The following TENM3 variants were observed in gnomAD, a reference collection of about 807,000 sequenced individuals.
TENM3 encodes the protein teneurin-3.
In TENM3, 63 loss-of-function variants were observed where a neutral mutation model predicts 255.1. That is an observed-to-expected ratio of 0.25 (90% CI 0.20 to 0.30). TENM3 has a LOEUF of 0.30. Ranked by LOEUF, TENM3 falls within the 10% of genes least tolerant of loss-of-function variation. The probability of loss-of-function intolerance (pLI) is 1.00; values close to 1 mark genes in which losing one functional copy is unlikely to be tolerated. For missense variants in TENM3, 2,929 were observed against 3,461.1 expected, an observed-to-expected ratio of 0.85 and a Z score of 3.86; for synonymous variants, 1,306 against 1,322.3, an observed-to-expected ratio of 0.99 and a Z score of 0.27.
intron 6 of TENM3, among the ~76,000 whole-genome samples, chr4:182,655,171 A>T (rs1753650939): frequency 6.6e-6 from 1 of 152,216 alleles, no homozygotes; most frequent in South Asian, 2.1e-4. Context: ...GAGTAACTAT[A>T]CAGAAATTAA....
intron 22 of TENM3, among the ~76,000 whole-genome samples, chr4:182,765,827 T>C (rs1283551743): frequency 6.6e-6 from 1 of 152,170 alleles, no homozygotes; most frequent in Non-Finnish European, 1.5e-5. Flanking sequence ...AAATATGTGA[T>C]TTTTACCATT....
chr4:182,468,465 C>T (rs55662785), intron 3 of TENM3, among the ~76,000 whole-genome samples: 5,981 of 152,134 alleles, frequency 0.039, 163 homozygotes, highest in Non-Finnish European at 0.058. Flanking sequence ...CCCTAACAGA[C>T]GCCTCAAAGA....
At chr4:182,773,183 GA>G (rs1764402484) in intron 22 of TENM3, among the ~76,000 whole-genome samples, 1 of 152,180 alleles carries the variant, frequency 6.6e-6, no homozygotes, top group African/African-American at 2.4e-5. Context: ...TGTTCCCTTT[GA>G]AACAGCAAAT....
At chr4:182,101,616 G>T in the TENM3 span, among the ~76,000 whole-genome samples, 1 of 152,146 alleles carries the variant, frequency 6.6e-6, no homozygotes, top group African/African-American at 2.4e-5. Flanking sequence ...AGGCAGGGGG[G>T]ATGATGGGCA....
At chr4:182,160,063 T>TTG (rs1561149983) in intron 1 of TENM3, among the ~76,000 whole-genome samples, 1 of 147,314 alleles carries the variant, frequency 6.8e-6, no homozygotes, top group Non-Finnish European at 1.5e-5. Flanking sequence ...AGTGCAGCGG[T>TTG]GCGATCTCGG....
chr4:182,097,499 G>C, the TENM3 span, among the ~76,000 whole-genome samples: 2 of 152,118 alleles, frequency 1.3e-5, no homozygotes, highest in South Asian at 4.1e-4. Flanking sequence ...TTCATATATA[G>C]GTCCCTATGC....
intron 3 of TENM3, among the ~76,000 whole-genome samples, chr4:182,579,701 ACTT>A (rs1295801847): frequency 8.3e-6 from 1 of 120,264 alleles, no homozygotes; most frequent in South Asian, 2.6e-4. Flanking sequence ...AAATTTGAAA[ACTT>A]CTCTTTTTTT....
chr4:182,297,475 G>A (rs148728340), intron 1 of TENM3, among the ~76,000 whole-genome samples: 114 of 152,262 alleles, frequency 7.5e-4, no homozygotes, highest in Admixed American at 2.4e-3. Flanking sequence ...CTCAATACAG[G>A]ATGAAAATAG....
At chr4:182,377,811 G>A (rs905367602) in intron 3 of TENM3, among the ~76,000 whole-genome samples, 13 of 152,156 alleles carry the variant, frequency 8.5e-5, no homozygotes, top group Non-Finnish European at 2.9e-5. Context: ...ATGCTAGCAC[G>A]TTATCCTAGA....
At chr4:181,846,725 T>A in the TENM3 span, among the ~76,000 whole-genome samples, 5 of 152,280 alleles carry the variant, frequency 3.3e-5, no homozygotes, top group Admixed American at 2.0e-4. Context: ...GACCACTGTG[T>A]GTTAGACTAT....
intron 3 of TENM3, among the ~76,000 whole-genome samples, chr4:182,385,269 T>TC (rs994387775): frequency 6.9e-6 from 1 of 145,936 alleles, no homozygotes; most frequent in African/African-American, 2.6e-5. Context: ...CGTCTTTTTT[T>TC]TTTTTTTTTT....
At chr4:182,085,855 A>G in the TENM3 span, among the ~76,000 whole-genome samples, 52,111 of 152,070 alleles carry the variant, frequency 0.34, 9,184 homozygotes, top group Non-Finnish European at 0.39. Context: ...AGTATTAAAA[A>G]CCATTTCTCT....
intron 12 of TENM3, among the ~76,000 whole-genome samples, chr4:182,701,330 C>T (rs1294683542): frequency 6.9e-6 from 1 of 145,838 alleles, no homozygotes; most frequent in East Asian, 2.0e-4. Flanking sequence ...AAGCAATTCT[C>T]CTGCCTCAGC....
At chr4:182,533,028 T>C (rs1739928836) in intron 3 of TENM3, among the ~76,000 whole-genome samples, 1 of 152,200 alleles carries the variant, frequency 6.6e-6, no homozygotes, top group East Asian at 1.9e-4. Flanking sequence ...ATCTGAGTAC[T>C]AAGGAGTCAT....
chr4:182,082,957 A>G, the TENM3 span, among the ~76,000 whole-genome samples: 688 of 152,318 alleles, frequency 4.5e-3, 6 homozygotes, highest in African/African-American at 0.015. Flanking sequence ...GATGTCAAAT[A>G]TCTACTTTAT....
chr4:182,425,675 A>T (rs1490282879), intron 3 of TENM3, among the ~76,000 whole-genome samples: 1 of 152,186 alleles, frequency 6.6e-6, no homozygotes, highest in East Asian at 1.9e-4. Context: ...TCTTTCGCAG[A>T]ATGAATTCAA....
intron 1 of TENM3, among the ~76,000 whole-genome samples, chr4:182,213,902 C>T (rs534064032): frequency 3.3e-5 from 5 of 152,008 alleles, no homozygotes; most frequent in South Asian, 2.1e-4. Context: ...CCTGGGTTCA[C>T]GCCATTCTCC....
chr4:181,651,158 A>G, the TENM3 span, among the ~76,000 whole-genome samples: 6 of 152,348 alleles, frequency 3.9e-5, no homozygotes, highest in East Asian at 9.6e-4. Context: ...TACAACGTCT[A>G]TTGATGGTAC....
chr4:182,429,272 T>C (rs1157019246), intron 3 of TENM3, among the ~76,000 whole-genome samples: 1 of 152,228 alleles, frequency 6.6e-6, no homozygotes, highest in Non-Finnish European at 1.5e-5. Context: ...TGTTAAACAT[T>C]ATTTGGTATT....
Sources: allele counts gnomAD v4.1 joint callset (sites outside exome capture counted in the v4.1 genomes callset), GRCh38; gene constraint gnomAD v4.1.1; transcripts MANE v1.5; gene names NCBI Gene and HGNC (gene_info 2026-07-23, HGNC 2026-07-21).